PIEZO1: variants seen among roughly 807,000 people sequenced by gnomAD.
The protein encoded by PIEZO1 is piezo type mechanosensitive ion channel component 1 (Er blood group).
In PIEZO1, 296 loss-of-function variants were observed where a neutral mutation model predicts 297.2. The ratio of observed to expected loss-of-function variants is 1.00; its 90% CI spans 0.91 to 1.10. PIEZO1 has a LOEUF of 1.10. PIEZO1 is among the 50% of genes least tolerant of loss of function. The pLI is 0.00. For missense variants in PIEZO1, 5,018 were observed against 3,455.5 expected, an observed-to-expected ratio of 1.45 and a Z score of -11.34; for synonymous variants, 2,427 against 1,507.5, an observed-to-expected ratio of 1.61 and a Z score of -14.13.
At chr16:88,770,466 A>G (rs1047800143) in intron 1 of PIEZO1, among the ~76,000 whole-genome samples, 1 of 152,188 alleles carries the variant, frequency 6.6e-6, no homozygotes, top group African/African-American at 2.4e-5. Flanking sequence ...GGCACGGTGA[A>G]GAGTCCAGAG....
Position 88,725,061 on chromosome 16 carries a change from G to A in PIEZO1, c.4182C>T (p.Gly1394=). The change falls in exon 30 of 51, where the codon GGC becomes GGT. Residue 1394 remains glycine (G), a synonymous_variant. Coordinates refer to ENST00000301015, the MANE Select transcript of PIEZO1 (RefSeq NM_001142864.4). ...ACCACTGCCTCCGTGGCGGGGAGGA[G>A]CCCCCTGGACTGTCGGGCCCTGTGG... The part of the protein sequence containing the change: ...GLEPGPDSPG[G]SSPPRRQWWR... 2.0e-6 allele frequency: 3 copies of A among 1,500,604 alleles called. No individual in the cohort carries two copies. The highest frequency in any genetic ancestry group is 2.7e-6 in the Non-Finnish European group (3 of 1,127,244). The allele number at this position is 1,500,604 out of a possible 1,614,324, so 93.0% of individuals were successfully genotyped here.
intron 1 of PIEZO1, among the ~76,000 whole-genome samples, chr16:88,778,921 G>A (rs1380938449): frequency 6.6e-6 from 1 of 152,220 alleles, no homozygotes; most frequent in Non-Finnish European, 1.5e-5. Context: ...GAGAGACCCA[G>A]AGAGCGGGGG....
rs1022134676 is a variant in PIEZO1 at position 88,734,552 on chromosome 16, G to T, written c.1998-14C>A. 13 of 1,542,382 alleles carry T rather than the reference G, an allele frequency of 8.4e-6. No homozygotes were observed. Among genetic ancestry groups the T allele is most frequent in the Non-Finnish European group, 1.1e-5 (13 of 1,142,076 alleles). On this transcript the variant is annotated splice_polypyrimidine_tract_variant and intron_variant, in intron 15 of 50. Coordinates refer to ENST00000301015, the MANE Select transcript of PIEZO1 (RefSeq NM_001142864.4). ...AGGTCCCCCAGCCTGTGGAGGGGCAGCATCAGCACCGGCCCGGCCCCCGGC... is the reference window on the plus strand; with the variant it reads ...AGGTCCCCCAGCCTGTGGAGGGGCATCATCAGCACCGGCCCGGCCCCCGGC...
chr16:88,739,963 A>C (rs1235415187), intron 5 of PIEZO1: 1 of 151,704 alleles, frequency 6.6e-6, no homozygotes, highest in African/African-American at 2.4e-5. Flanking sequence ...GAGGCCACCG[A>C]GGGGCAGGCC....
At chr16:88,731,673 A>G in intron 22 of PIEZO1, 33 bp downstream of exon 22, 1 of 1,523,820 alleles carries the variant, frequency 6.6e-7, no homozygotes. Context: ...AAAGCCACAA[A>G]GCCCACTCCC....
intron 31 of PIEZO1, 41 bp downstream of exon 31, chr16:88,723,830 T>C: frequency 9.5e-7 from 1 of 1,051,406 alleles, no homozygotes; most frequent in South Asian, 1.4e-5. Context: ...GACCACAAGC[T>C]CTGTGGTTGG....
At chr16:88,732,566 G>A (rs1425426306) in intron 20 of PIEZO1, 31 bp from the exon 21 acceptor site, 1 of 1,542,572 alleles carries the variant, frequency 6.5e-7, no homozygotes, top group Non-Finnish European at 8.8e-7. Flanking sequence ...GGGGCAGCCG[G>A]GTACTCGCCC....
intron 35 of PIEZO1, 85 bp from the exon 36 acceptor site, chr16:88,722,482 C>A: frequency 7.0e-7 from 1 of 1,437,108 alleles, no homozygotes; most frequent in South Asian, 1.4e-5. Flanking sequence ...AAAGTGCCCA[C>A]GGTCCTTTGG....
Position 88,721,450 on chromosome 16 carries a change from G to A in PIEZO1, c.5404-20C>T. 2 of 1,541,720 alleles carry A rather than the reference G, an allele frequency of 1.3e-6. No homozygotes were observed. Among genetic ancestry groups the A allele is most frequent in the Non-Finnish European group, 1.8e-6 (2 of 1,140,698 alleles). On this transcript the variant is annotated intron_variant, in intron 38 of 50. Transcript: ENST00000301015. ...ATAGCACTGAGGGGCGGGAGGGTGT[G>A]GTGAGGGGGCCTTGCCTCCCTGGTG...
chr16:88,724,727 G>A (rs370796410), intron 30 of PIEZO1, among the ~76,000 whole-genome samples: 1 of 152,178 alleles, frequency 6.6e-6, no homozygotes, highest in Non-Finnish European at 1.5e-5. Flanking sequence ...ACGCAGTGCT[G>A]CTGGGTCCCA....
chr16:88,722,642 C>G lies in PIEZO1; in HGVS notation c.4716G>C (p.Gln1572His). 1.3e-6 allele frequency: 2 copies of G among 1,538,642 alleles called. No individual in the cohort carries two copies. The highest frequency in any genetic ancestry group is 1.7e-6 in the Non-Finnish European group (2 of 1,146,258). ...RGVLDQLYTSQAEATLPGPTE... is the reference protein window; with the variant it reads ...RGVLDQLYTSHAEATLPGPTE... The stretch of plus-strand genomic sequence containing the variant: ...TGGGGCCTGGCAGCGTGGCCTCGGC[C>G]TGGCTTGTGTACAGCTGATCCAGCA... Residue 1572 changes from glutamine to histidine, a missense_variant, in exon 35 of 51, where the codon CAG becomes CAC. By Grantham distance (24) the Gln-to-His change is conservative (BLOSUM62 0). Transcript: ENST00000301015.
At chr16:88,724,966 G>A (rs1567664541) in intron 30 of PIEZO1, 43 bp downstream of exon 30, 1 of 1,252,988 alleles carries the variant, frequency 8.0e-7, no homozygotes, top group Non-Finnish European at 1.1e-6. Context: ...TGGGGGCACA[G>A]AGGGCCTGAG....
intron 1 of PIEZO1, among the ~76,000 whole-genome samples, chr16:88,749,749 T>C (rs757857529): frequency 1.3e-5 from 2 of 152,220 alleles, no homozygotes; most frequent in Non-Finnish European, 2.9e-5. Flanking sequence ...ATTCTTGGGC[T>C]GGGTGCAGTG....
At chr16:88,716,527 C>T (rs1912046744) in intron 47 of PIEZO1, 32 bp downstream of exon 47, 1 of 1,535,698 alleles carries the variant, frequency 6.5e-7, no homozygotes, top group Non-Finnish European at 8.8e-7. Flanking sequence ...TGGGTCCACC[C>T]ACCCAGGCAC....
At chr16:88,744,251 T>C (rs62048195) in intron 2 of PIEZO1, 28,174 of 154,246 alleles carry the variant, frequency 0.18, 3,228 homozygotes, top group Middle Eastern at 0.29. Context: ...TGAGTCCTGC[T>C]CGCTGCACCC....
In PIEZO1 at chr16:88,769,409, G is replaced by C. The variant is rs910377192; in HGVS notation, c.64+15492C>G. On this transcript the variant is annotated intron_variant, in intron 1 of 50. Transcript: ENST00000301015. ...GACCTGGCGTATGAAGTCAGGCCTG[G>C]AATTTTCCGCTTGGATTTAGATTTC... is the stretch of plus-strand genomic sequence containing the variant. 2.6e-5 allele frequency among the ~76,000 whole-genome samples: 4 copies of C among 152,194 alleles called. No homozygotes were observed. The East Asian group carries it at 7.7e-4, about 29-fold the overall frequency.
In PIEZO1 at chr16:88,716,065, G is replaced by A. The variant is rs201347067; in HGVS notation, c.7184C>T (p.Ala2395Val). The stretch of plus-strand genomic sequence containing the variant: ...CCATTCGAGGAAGCCGGTGGCCCCC[G>A]CACCCTGCTCCCTCCGCAGCTGGAT... The part of the protein sequence containing the change: ...VRIQLRREQG[A>V]GATGFLEWWV... The change falls in exon 50 of 51, where the codon GCG (alanine) becomes GTG (valine). Residue 2395 changes from alanine to valine, a missense_variant. Physicochemically the swap from Ala to Val is moderately conservative, Grantham distance 64. Coordinates refer to ENST00000301015, the MANE Select transcript of PIEZO1 (RefSeq NM_001142864.4). 113 of 1,550,094 alleles carry A rather than the reference G, an allele frequency of 7.3e-5. No homozygotes were observed. The East Asian group carries it at 8.1e-4, about 11-fold the overall frequency.
intron 1 of PIEZO1, among the ~76,000 whole-genome samples, chr16:88,775,583 G>T (rs1907618708): frequency 6.6e-6 from 1 of 152,078 alleles, no homozygotes. Context: ...ACAAAAATTA[G>T]CCGGGTGTGG....
At position 88,715,520 on chromosome 16, in the gene PIEZO1, C is replaced by T. The variant is rs1015755916; in HGVS notation, c.*85G>A. On this transcript the variant is annotated 3_prime_UTR_variant, in exon 51 of 51. Transcript: ENST00000301015. The stretch of plus-strand genomic sequence containing the variant: ...CTGGCGGCCTTGGACGGGGCAGTGG[C>T]TCCCCCGGCCTGAGGAGTGCCGCCC... 2.9e-6 allele frequency: 4 copies of T among 1,369,228 alleles called. No individual in the cohort carries two copies. The African/African-American group carries it at 4.3e-5, about 15-fold the overall frequency. The allele number at this position is 1,369,228 out of a possible 1,614,324, so 84.8% of individuals were successfully genotyped here. A position where few individuals can be genotyped will look rare whatever the true frequency, so the allele number is the denominator to read the frequency against.
Sources: allele counts gnomAD v4.1 joint callset (sites outside exome capture counted in the v4.1 genomes callset), GRCh38; gene constraint gnomAD v4.1.1; transcripts MANE v1.5; gene names NCBI Gene and HGNC (gene_info 2026-07-23, HGNC 2026-07-21).